Variants in HS3ST5 observed in about 807,000 individuals in gnomAD.
HS3ST5 encodes the protein heparan sulfate glucosamine 3-O-sulfotransferase 5.
HS3ST5 carries 10 observed loss-of-function variants against 25.4 expected under a neutral mutation model. The ratio of observed to expected loss-of-function variants is 0.39; its 90% CI spans 0.24 to 0.67. The LOEUF is 0.67. HS3ST5 is among the 30% of genes least tolerant of loss of function. The pLI is 0.44. For missense variants in HS3ST5, 324 were observed against 420.7 expected, an observed-to-expected ratio of 0.77 and a Z score of 2.01; for synonymous variants, 170 against 162.4, an observed-to-expected ratio of 1.05 and a Z score of -0.36.
In HS3ST5 at chr6:114,140,177, A is replaced by G. The variant is rs189855964; in HGVS notation, c.-33+28174T>C. ...AAAAGTCTCAGTTTGATGCTACAGT[A>G]TCTTTCACACCTCTTAAATAATGTC... On this transcript the variant is annotated intron_variant, in intron 3 of 4. Transcript: ENST00000312719. 2.7e-3 allele frequency among the ~76,000 whole-genome samples: 407 copies of G among 152,306 alleles called. 3 individuals are homozygous for G. The highest frequency in any genetic ancestry group is 9.1e-3 in the African/African-American group (380 of 41,570).
chr6:114,200,404 C>T (rs1780957724), intron 2 of HS3ST5, among the ~76,000 whole-genome samples: 2 of 152,072 alleles, frequency 1.3e-5, no homozygotes, highest in Non-Finnish European at 2.9e-5. Flanking sequence ...TGTAAATGCT[C>T]GGTTATACAA....
intron 3 of HS3ST5, among the ~76,000 whole-genome samples, chr6:114,101,840 A>G (rs1775750993): frequency 6.6e-6 from 1 of 152,220 alleles, no homozygotes; most frequent in African/African-American, 2.4e-5. Flanking sequence ...AAAATGTGGT[A>G]CATGTACACC....
chr6:114,333,483 G>A (rs1776486211), intron 1 of HS3ST5, among the ~76,000 whole-genome samples: 1 of 151,986 alleles, frequency 6.6e-6, no homozygotes, highest in Non-Finnish European at 1.5e-5. Context: ...TAATATTTGT[G>A]GAATTCAGAA....
intron 1 of HS3ST5, among the ~76,000 whole-genome samples, chr6:114,330,267 T>A (rs902204077): frequency 6.6e-6 from 1 of 152,200 alleles, no homozygotes; most frequent in Non-Finnish European, 1.5e-5. Context: ...ATTCTGAATT[T>A]TTTTTACTTT....
At chr6:114,107,281 A>G (rs1450798732) in intron 3 of HS3ST5, among the ~76,000 whole-genome samples, 1 of 152,218 alleles carries the variant, frequency 6.6e-6, no homozygotes, top group Admixed American at 6.5e-5. Context: ...AGACTAAAAA[A>G]GAAAAACCAT....
chr6:114,195,813 T>C (rs1308478293), intron 2 of HS3ST5, among the ~76,000 whole-genome samples: 2 of 152,110 alleles, frequency 1.3e-5, no homozygotes, highest in African/African-American at 4.8e-5. Context: ...AACAAAAGAA[T>C]AGCCTGAAAA....
intron 2 of HS3ST5, among the ~76,000 whole-genome samples, chr6:114,207,085 C>A (rs898987898): frequency 6.6e-6 from 1 of 152,130 alleles, no homozygotes; most frequent in Non-Finnish European, 1.5e-5. Flanking sequence ...TAGGTTTTGG[C>A]AAGATTATAG....
At chr6:114,156,343 T>C (rs1778697874) in intron 3 of HS3ST5, among the ~76,000 whole-genome samples, 1 of 152,208 alleles carries the variant, frequency 6.6e-6, no homozygotes, top group Admixed American at 6.5e-5. Context: ...GGGCATAAAA[T>C]TCATATTCTT....
In HS3ST5 at chr6:114,184,877, C is replaced by G. The variant is rs146707343; in HGVS notation, c.-144-16415G>C. ...TAATAGGTTTTGGACTTGCTTGGGA[C>G]TCATCATCCCTTTCTTCCCCATTTC... On this transcript the variant is annotated intron_variant, in intron 2 of 4. Transcript: ENST00000312719. Among the ~76,000 whole-genome samples the G allele has an allele frequency of 2.0e-5, 3 of 152,322 alleles. No homozygotes were observed. In the East Asian group the frequency reaches 5.8e-4, roughly 29 times the overall value.
intron 3 of HS3ST5, among the ~76,000 whole-genome samples, chr6:114,087,804 T>C (rs1030100976): frequency 6.6e-6 from 1 of 152,226 alleles, no homozygotes; most frequent in Non-Finnish European, 1.5e-5. Flanking sequence ...CTCTCTGTCC[T>C]GTGCTATAAC....
intron 1 of HS3ST5, among the ~76,000 whole-genome samples, chr6:114,327,731 C>T (rs1437383022): frequency 6.6e-6 from 1 of 151,946 alleles, no homozygotes; most frequent in African/African-American, 2.4e-5. Context: ...TGAGAAACTA[C>T]ATTAAGTTAT....
chr6:114,235,037 C>A (rs1296924939), intron 1 of HS3ST5, among the ~76,000 whole-genome samples: 1 of 152,034 alleles, frequency 6.6e-6, no homozygotes, highest in African/African-American at 2.4e-5. Context: ...GCAGGAGAAT[C>A]GCTTGAACCT....
intron 1 of HS3ST5, among the ~76,000 whole-genome samples, chr6:114,310,635 T>C: frequency 6.6e-6 from 1 of 151,922 alleles, no homozygotes; most frequent in East Asian, 1.9e-4. Flanking sequence ...ATAGATGCTC[T>C]TTGACTTGCA....
intron 1 of HS3ST5, among the ~76,000 whole-genome samples, chr6:114,267,032 C>A (rs930211431): frequency 7.2e-5 from 11 of 152,082 alleles, no homozygotes; most frequent in Non-Finnish European, 1.5e-4. Context: ...TACAAAAATG[C>A]CAGCCTTTGC....
chr6:114,195,222 T>C (rs560198010), intron 2 of HS3ST5, among the ~76,000 whole-genome samples: 1 of 152,294 alleles, frequency 6.6e-6, no homozygotes, highest in South Asian at 2.1e-4. Flanking sequence ...AGTCAAGAGA[T>C]CTTTTCTAGT....
chr6:114,261,176 T>C (rs1773153919), intron 1 of HS3ST5, among the ~76,000 whole-genome samples: 1 of 151,982 alleles, frequency 6.6e-6, no homozygotes, highest in Non-Finnish European at 1.5e-5. Flanking sequence ...AAATGAGGGG[T>C]TAGAGCAGTA....
At chr6:114,070,102 C>G (rs1290808160) in intron 3 of HS3ST5, among the ~76,000 whole-genome samples, 1 of 152,056 alleles carries the variant, frequency 6.6e-6, no homozygotes, top group Non-Finnish European at 1.5e-5. Flanking sequence ...CCCTCCCAAC[C>G]TTACCCCGAC....
intron 3 of HS3ST5, among the ~76,000 whole-genome samples, chr6:114,166,649 G>A (rs779115938): frequency 1.3e-5 from 2 of 152,166 alleles, no homozygotes; most frequent in African/African-American, 2.4e-5. Context: ...CAATCTCACA[G>A]TGAACCTAGG....
intron 2 of HS3ST5, among the ~76,000 whole-genome samples, chr6:114,196,192 T>C (rs547104448): frequency 6.6e-6 from 1 of 152,308 alleles, no homozygotes; most frequent in East Asian, 1.9e-4. Context: ...GGTTGTGAGA[T>C]GAAGAACTCC....
Sources: gnomAD v4.1 joint callset for allele counts (sites outside exome capture counted in the v4.1 genomes callset) on GRCh38, gnomAD v4.1.1 for gene constraint, MANE v1.5 for transcripts, NCBI Gene and HGNC (gene_info 2026-07-23, HGNC 2026-07-21) for gene names.